The following TAFA1 variants were observed in gnomAD, a reference collection of about 807,000 sequenced individuals.
TAFA1 encodes chemokine-like protein TAFA-1.
Under a neutral mutation model 18.5 loss-of-function variants are expected in TAFA1, and 4 were observed. The ratio of observed to expected loss-of-function variants is 0.22; its 90% CI spans 0.11 to 0.49. The LOEUF (loss-of-function observed/expected upper bound fraction) is 0.49. TAFA1 is among the 20% of genes least tolerant of loss of function. TAFA1 has a pLI of 0.98. For synonymous variants in TAFA1, 56 were observed against 55.2 expected (o/e 1.01, Z -0.06); for missense variants, 147 against 169.0 (o/e 0.87, Z 0.72).
chr3:68,330,300 G>A (rs1365727459), intron 2 of TAFA1, among the ~76,000 whole-genome samples: 1 of 152,172 alleles, frequency 6.6e-6, no homozygotes, highest in Non-Finnish European at 1.5e-5. Context: ...ATCTGGCCAT[G>A]TGATTGAGGC....
intron 2 of TAFA1, among the ~76,000 whole-genome samples, chr3:68,052,827 A>G (rs1002152631): frequency 1.3e-5 from 2 of 152,230 alleles, no homozygotes; most frequent in African/African-American, 2.4e-5. Flanking sequence ...CAACATGAAC[A>G]CATGTCAAAG....
At chr3:68,110,183 T>C (rs576512915) in intron 2 of TAFA1, among the ~76,000 whole-genome samples, 4 of 152,140 alleles carry the variant, frequency 2.6e-5, no homozygotes, top group Non-Finnish European at 4.4e-5. Flanking sequence ...CATGTGTCCA[T>C]GTGTTCTCAT....
intron 2 of TAFA1, among the ~76,000 whole-genome samples, chr3:68,397,184 T>C (rs2070397629): frequency 6.6e-6 from 1 of 152,204 alleles, no homozygotes; most frequent in Admixed American, 6.5e-5. Flanking sequence ...CGAGTACATG[T>C]ACAGAACATG....
chr3:68,239,485 C>T (rs2066970488), intron 2 of TAFA1, among the ~76,000 whole-genome samples: 1 of 151,888 alleles, frequency 6.6e-6, no homozygotes, highest in Non-Finnish European at 1.5e-5. Context: ...AATATTTCAC[C>T]CTTTATCCAG....
intron 2 of TAFA1, among the ~76,000 whole-genome samples, chr3:68,073,702 G>A (rs1316114684): frequency 6.6e-6 from 1 of 152,014 alleles, no homozygotes. Flanking sequence ...AGTTATACTG[G>A]TGGTGAGAGT....
chr3:68,136,933 A>G (rs146579170), intron 2 of TAFA1, among the ~76,000 whole-genome samples: 146 of 152,272 alleles, frequency 9.6e-4, no homozygotes, highest in Middle Eastern at 3.4e-3. Context: ...TTACCTATTC[A>G]TTAAGGACTG....
chr3:68,072,499 A>G (rs1268907547), intron 2 of TAFA1, among the ~76,000 whole-genome samples: 1 of 152,220 alleles, frequency 6.6e-6, no homozygotes, highest in Admixed American at 6.5e-5. Flanking sequence ...CAGGGTGACA[A>G]GTTAAGCAGA....
intron 3 of TAFA1, among the ~76,000 whole-genome samples, chr3:68,449,600 A>C (rs548179479): frequency 6.6e-6 from 1 of 152,284 alleles, no homozygotes; most frequent in East Asian, 1.9e-4. Context: ...CCTCTCTCCA[A>C]AAAAACACAA....
intron 2 of TAFA1, among the ~76,000 whole-genome samples, chr3:68,160,081 A>C (rs1276889291): frequency 6.6e-6 from 1 of 152,202 alleles, no homozygotes; most frequent in African/African-American, 2.4e-5. Flanking sequence ...TGTATAGTAG[A>C]AATGGAAAGC....
intron 2 of TAFA1, among the ~76,000 whole-genome samples, chr3:68,278,335 A>G (rs2067832812): frequency 1.3e-5 from 2 of 152,170 alleles, no homozygotes; most frequent in African/African-American, 4.8e-5. Context: ...AGAACAAATA[A>G]TATAAACTAA....
intron 3 of TAFA1, among the ~76,000 whole-genome samples, chr3:68,501,117 T>A (rs951860925): frequency 2.2e-5 from 3 of 133,910 alleles, no homozygotes; most frequent in Non-Finnish European, 4.6e-5. Flanking sequence ...ATCATGACAC[T>A]GCACCCCAGC....
chr3:68,276,281 G>A (rs1308466781), intron 2 of TAFA1, among the ~76,000 whole-genome samples: 1 of 152,122 alleles, frequency 6.6e-6, no homozygotes, highest in Non-Finnish European at 1.5e-5. Context: ...ATTAGCATTT[G>A]GGGCTGAATA....
chr3:68,380,085 A>C (rs1457484121), intron 2 of TAFA1, among the ~76,000 whole-genome samples: 2 of 152,166 alleles, frequency 1.3e-5, no homozygotes, highest in Non-Finnish European at 2.9e-5. Context: ...TGTCCCTACA[A>C]AGGACATGAA....
intron 2 of TAFA1, among the ~76,000 whole-genome samples, chr3:68,230,167 T>C (rs1301432687): frequency 6.6e-6 from 1 of 152,172 alleles, no homozygotes; most frequent in East Asian, 1.9e-4. Flanking sequence ...CAACAAATTA[T>C]TGTTAACTAC....
chr3:68,064,578 C>T (rs905299565), intron 2 of TAFA1, among the ~76,000 whole-genome samples: 1 of 152,162 alleles, frequency 6.6e-6, no homozygotes, highest in Non-Finnish European at 1.5e-5. Flanking sequence ...ACCTAATTAA[C>T]ATTTGCACGG....
chr3:68,117,708 C>T (rs561226293), intron 2 of TAFA1, among the ~76,000 whole-genome samples: 2 of 152,120 alleles, frequency 1.3e-5, no homozygotes, highest in African/African-American at 4.8e-5. Flanking sequence ...TAACAAATAG[C>T]CTGAAAGTAT....
intron 3 of TAFA1, among the ~76,000 whole-genome samples, chr3:68,446,744 C>T (rs2071478724): frequency 6.6e-6 from 1 of 152,176 alleles, no homozygotes; most frequent in African/African-American, 2.4e-5. Context: ...GAATTGTTCA[C>T]TGCATGTCCA....
chr3:68,116,404 A>G (rs1304198855), intron 2 of TAFA1, among the ~76,000 whole-genome samples: 1 of 152,200 alleles, frequency 6.6e-6, no homozygotes, highest in East Asian at 1.9e-4. Context: ...CAGCCACGCT[A>G]CTTATAATGC....
At chr3:68,229,073 C>CAGG (rs1333112281) in intron 2 of TAFA1, among the ~76,000 whole-genome samples, 2 of 152,182 alleles carry the variant, frequency 1.3e-5, no homozygotes, top group Admixed American at 1.3e-4. Context: ...TTTTAAAAAA[C>CAGG]AGGAGGCTTC....
Sources: gnomAD v4.1 joint callset for allele counts (sites outside exome capture counted in the v4.1 genomes callset) on GRCh38, gnomAD v4.1.1 for gene constraint, MANE v1.5 for transcripts, NCBI Gene and HGNC (gene_info 2026-07-23, HGNC 2026-07-21) for gene names.